The following CEP85L variants were observed in gnomAD, a reference collection of about 807,000 sequenced individuals.
The protein encoded by CEP85L is centrosomal protein of 85 kDa-like.
Under a neutral mutation model 100.3 loss-of-function variants are expected in CEP85L, and 60 were observed. The ratio of observed to expected loss-of-function variants is 0.60; its 90% CI spans 0.49 to 0.74. CEP85L has a LOEUF of 0.74. CEP85L is among the 30% of genes least tolerant of loss of function. CEP85L has a pLI of 0.00. For missense variants in CEP85L, 973 were observed against 936.2 expected (o/e 1.04, Z -0.51); for synonymous variants, 319 against 322.7 (o/e 0.99, Z 0.12).
chr6:118,575,368 T>C (rs1780163396), intron 2 of CEP85L, among the ~76,000 whole-genome samples: 3 of 152,228 alleles, frequency 2.0e-5, no homozygotes, highest in Admixed American at 6.5e-5. Flanking sequence ...TGGCCAAGGT[T>C]TGAATCCAGT....
chr6:118,592,484 T>C (rs189489881), intron 2 of CEP85L, among the ~76,000 whole-genome samples: 24 of 152,194 alleles, frequency 1.6e-4, no homozygotes, highest in African/African-American at 4.8e-4. Context: ...TTAAGGCTAA[T>C]TGACCAAATA....
At chr6:118,468,694 T>C (rs1772715963) in intron 12 of CEP85L, among the ~76,000 whole-genome samples, 1 of 152,170 alleles carries the variant, frequency 6.6e-6, no homozygotes, top group South Asian at 2.1e-4. Context: ...AGCAAAAATA[T>C]TTCTCAAATA....
intron 10 of CEP85L, among the ~76,000 whole-genome samples, chr6:118,471,051 T>G (rs1341955919): frequency 1.3e-5 from 2 of 152,072 alleles, no homozygotes. Flanking sequence ...GTTAATGAGA[T>G]GCAAGATAAT....
At position 118,651,553 on chromosome 6, in the gene CEP85L, C is replaced by T. The variant is rs553964177; in HGVS notation, c.-284G>A. ...TGCTAGATCCCCGGCTGAGCCCAGGCTCAAAGGCTCCAGGCGAAGTTGCAG... is the reference window on the plus strand; with the variant it reads ...TGCTAGATCCCCGGCTGAGCCCAGGTTCAAAGGCTCCAGGCGAAGTTGCAG... On this transcript the variant is annotated 5_prime_UTR_variant, in exon 1 of 13. Coordinates refer to ENST00000368491, the MANE Select transcript of CEP85L (RefSeq NM_001042475.3). The T allele has an allele frequency of 9.8e-6, 12 of 1,222,978 alleles. No homozygotes were observed. In the African/African-American group the frequency reaches 1.7e-4, roughly 18 times the overall value. 75.8% of individuals were successfully genotyped at this position (1,222,978 alleles called of 1,614,324 possible). A position where few individuals can be genotyped will look rare whatever the true frequency, so the allele number is the denominator to read the frequency against.
chr6:118,524,413 T>C (rs993697123), intron 3 of CEP85L, among the ~76,000 whole-genome samples: 5 of 152,032 alleles, frequency 3.3e-5, no homozygotes, highest in East Asian at 3.9e-4. Context: ...CACTGCACTC[T>C]AGCCTGGGTG....
chr6:118,541,022 G>T (rs9489431), intron 3 of CEP85L, among the ~76,000 whole-genome samples: 3,043 of 152,064 alleles, frequency 0.02, 72 homozygotes, highest in African/African-American at 0.059. Flanking sequence ...ATTGAATTTT[G>T]GGTTATGTTA....
At chr6:118,565,376 C>T in intron 3 of CEP85L, 153 bp downstream of exon 3, 2 of 715,710 alleles carry the variant, frequency 2.8e-6, no homozygotes, top group Non-Finnish European at 4.6e-6. Flanking sequence ...TTATCAACAA[C>T]ACTTTTCGGT....
intron 2 of CEP85L, among the ~76,000 whole-genome samples, chr6:118,583,817 G>A (rs1350756510): frequency 1.3e-5 from 2 of 152,192 alleles, no homozygotes; most frequent in African/African-American, 4.8e-5. Context: ...AATGAAGCCT[G>A]GTTCAGGACC....
intron 1 of CEP85L, among the ~76,000 whole-genome samples, chr6:118,708,444 A>G (rs945086135): frequency 6.6e-6 from 1 of 152,246 alleles, no homozygotes; most frequent in Admixed American, 6.5e-5. Flanking sequence ...GATAACCCAT[A>G]AACTTTTCAC....
chr6:118,472,083 ATAAT>A (rs1773002926), intron 10 of CEP85L, among the ~76,000 whole-genome samples: 1 of 151,880 alleles, frequency 6.6e-6, no homozygotes, highest in African/African-American at 2.4e-5. Context: ...TTTTCACAAT[ATAAT>A]TATTATATAT....
intron 2 of CEP85L, among the ~76,000 whole-genome samples, chr6:118,607,899 A>G (rs1233696590): frequency 6.6e-6 from 1 of 152,096 alleles, no homozygotes; most frequent in Non-Finnish European, 1.5e-5. Flanking sequence ...AGTCCCTTCT[A>G]TGGTCGCCAG....
In CEP85L at chr6:118,647,046, T is replaced by C. The variant is rs557228084; in HGVS notation, c.73+4151A>G. The C allele has an allele frequency of 1.2e-5, 12 of 985,426 alleles. No individual in the cohort carries two copies. The Admixed American group carries it at 1.8e-4, about 15-fold the overall frequency. The allele number at this position is 985,426 out of a possible 1,614,324, so 61.0% of individuals were successfully genotyped here. A position where few individuals can be genotyped will look rare whatever the true frequency, so the allele number is the denominator to read the frequency against. On this transcript the variant is annotated intron_variant, in intron 1 of 12. Transcript: ENST00000368491. ...ACCCCTTACCCCCCAATACCTATTA[T>C]GAAAGAACATGTTCAGTTGGGTTTA...
chr6:118,673,527 G>A (rs1388264290), intron 1 of CEP85L, among the ~76,000 whole-genome samples: 4 of 152,194 alleles, frequency 2.6e-5, no homozygotes, highest in African/African-American at 7.2e-5. Context: ...TATAGACAGC[G>A]TACTGAGTAG....
At position 118,462,294 on chromosome 6, in the gene CEP85L, T is replaced by A. The variant is rs895907476; in HGVS notation, c.*3111A>T. 1 of 152,058 alleles carries A rather than the reference T, an allele frequency of 6.6e-6. No individual in the cohort carries two copies. The highest frequency in any genetic ancestry group is 2.4e-5 in the African/African-American group (1 of 41,454). The allele number at this position is 152,058 out of a possible 1,614,324, so 9.4% of individuals were successfully genotyped here. A position where few individuals can be genotyped will look rare whatever the true frequency, so the allele number is the denominator to read the frequency against. The stretch of plus-strand genomic sequence containing the variant: ...CCTCAGGAATATCTTACCTAGCCAG[T>A]ATTTGTGGTTTTTTGTTTTTGTTTA... On this transcript the variant is annotated 3_prime_UTR_variant, in exon 13 of 13. Coordinates refer to ENST00000368491, the MANE Select transcript of CEP85L (RefSeq NM_001042475.3).
intron 3 of CEP85L, among the ~76,000 whole-genome samples, chr6:118,562,872 C>G (rs1779302307): frequency 6.6e-6 from 1 of 152,132 alleles, no homozygotes; most frequent in African/African-American, 2.4e-5. Context: ...CTGGGAGATC[C>G]ATCGTGGGCT....
intron 5 of CEP85L, among the ~76,000 whole-genome samples, chr6:118,500,747 A>G (rs560025257): frequency 6.6e-6 from 1 of 152,308 alleles, no homozygotes; most frequent in Non-Finnish European, 1.5e-5. Flanking sequence ...CGGGTGCTCA[A>G]CAAGCTACAA....
At chr6:118,707,190 C>CT (rs5879468) in intron 1 of CEP85L, among the ~76,000 whole-genome samples, 85,872 of 135,726 alleles carry the variant, frequency 0.63, 27,798 homozygotes, top group Non-Finnish European at 0.7. Context: ...TCCTCATCTG[C>CT]TTTTTTTTTT....
At chr6:118,526,210 C>T (rs1172496675) in intron 3 of CEP85L, among the ~76,000 whole-genome samples, 1 of 152,168 alleles carries the variant, frequency 6.6e-6, no homozygotes, top group Non-Finnish European at 1.5e-5. Flanking sequence ...CAGTATGCAT[C>T]AGTACAGATA....
chr6:118,533,178 T>C (rs1035021173), intron 3 of CEP85L, among the ~76,000 whole-genome samples: 2 of 151,964 alleles, frequency 1.3e-5, no homozygotes, highest in Non-Finnish European at 2.9e-5. Context: ...CAGAAAAATC[T>C]ATTCAGAAAG....
Sources: gnomAD v4.1 joint callset for allele counts (sites outside exome capture counted in the v4.1 genomes callset) on GRCh38, gnomAD v4.1.1 for gene constraint, MANE v1.5 for transcripts, NCBI Gene and HGNC (gene_info 2026-07-23, HGNC 2026-07-21) for gene names.